SPHKAP: variants seen among roughly 807,000 people sequenced by gnomAD.
SPHKAP encodes the protein SPHK1 interactor, AKAP domain containing.
SPHKAP carries 67 observed loss-of-function variants against 137.5 expected under a neutral mutation model. The observed-to-expected ratio is 0.49, with a 90% CI of 0.40 to 0.60. The LOEUF (loss-of-function observed/expected upper bound fraction) is 0.60, where lower values mean the gene tolerates loss of function less well. Among genes scored for constraint, SPHKAP ranks in the 20% least tolerant of loss-of-function variants. The pLI is 0.00. For synonymous variants in SPHKAP, 813 were observed against 785.3 expected, an observed-to-expected ratio of 1.04 and a Z score of -0.59; for missense variants, 2,097 against 2,069.3, an observed-to-expected ratio of 1.01 and a Z score of -0.26.
chr2:228,044,091 G>C (rs1695944428), intron 3 of SPHKAP, among the ~76,000 whole-genome samples: 3 of 152,138 alleles, frequency 2.0e-5, no homozygotes, highest in Admixed American at 6.5e-5. Flanking sequence ...TCTCTCATAT[G>C]TTTGACAACC....
intron 1 of SPHKAP, among the ~76,000 whole-genome samples, chr2:228,150,202 A>C (rs1230517818): frequency 2.0e-5 from 3 of 152,160 alleles, no homozygotes; most frequent in African/African-American, 4.8e-5. Flanking sequence ...TCTTTTTCAC[A>C]CGTTGTGGAA....
At chr2:227,999,661 C>T (rs555910270) in intron 7 of SPHKAP, among the ~76,000 whole-genome samples, 1 of 152,350 alleles carries the variant, frequency 6.6e-6, no homozygotes, top group East Asian at 1.9e-4. Context: ...ATCTCAACTT[C>T]ATGCTCTATT....
intron 3 of SPHKAP, among the ~76,000 whole-genome samples, chr2:228,105,232 T>G (rs1379131616): frequency 6.6e-6 from 1 of 152,188 alleles, no homozygotes; most frequent in East Asian, 1.9e-4. Context: ...CCTCCCAAAG[T>G]GCTGTGATTA....
chr2:228,013,280 C>G (rs894007366), intron 7 of SPHKAP, among the ~76,000 whole-genome samples: 1 of 152,150 alleles, frequency 6.6e-6, no homozygotes, highest in African/African-American at 2.4e-5. Flanking sequence ...GAGACAGAGT[C>G]TTGCCCCGTC....
At chr2:228,040,281 C>CA (rs1313172617) in intron 3 of SPHKAP, among the ~76,000 whole-genome samples, 2 of 152,158 alleles carry the variant, frequency 1.3e-5, no homozygotes, top group Non-Finnish European at 2.9e-5. Context: ...TGCTGATTCA[C>CA]AAAGCGTCTA....
At chr2:228,160,214 T>TTTACAATTTAAATGATGGACATG (rs1700234311) in intron 1 of SPHKAP, among the ~76,000 whole-genome samples, 2 of 152,212 alleles carry the variant, frequency 1.3e-5, no homozygotes, top group African/African-American at 2.4e-5. Context: ...TCCCCATGAT[T>TTTACAATTTAAATGATGGACATG]ATACAATTTA....
At chr2:228,169,836 A>T (rs1293739831) in intron 1 of SPHKAP, 1 of 152,094 alleles carries the variant, frequency 6.6e-6, no homozygotes, top group Non-Finnish European at 1.5e-5. Flanking sequence ...ATTCTTGAAG[A>T]ATTCCATATT....
At chr2:228,007,886 T>A (rs1694203651) in intron 7 of SPHKAP, among the ~76,000 whole-genome samples, 2 of 152,138 alleles carry the variant, frequency 1.3e-5, no homozygotes, top group Admixed American at 6.6e-5. Context: ...GACCCTTTTC[T>A]CACCTCTTAT....
At chr2:228,128,755 G>T (rs189478976) in intron 2 of SPHKAP, among the ~76,000 whole-genome samples, 2 of 152,268 alleles carry the variant, frequency 1.3e-5, no homozygotes, top group East Asian at 1.9e-4. Flanking sequence ...TAATTTCCAT[G>T]TATATCTCCA....
At chr2:228,173,030 A>AC (rs1439135789) in intron 1 of SPHKAP, 2 of 985,318 alleles carry the variant, frequency 2.0e-6, no homozygotes, top group African/African-American at 3.5e-5. Flanking sequence ...AACATGTGCC[A>AC]AAGAGTGAAT....
chr2:228,016,134 T>C (rs938102404), intron 7 of SPHKAP, among the ~76,000 whole-genome samples: 2 of 152,188 alleles, frequency 1.3e-5, no homozygotes, highest in African/African-American at 2.4e-5. Flanking sequence ...TTCAACTCTC[T>C]ATCATAAATG....
chr2:228,063,143 C>CCTATCTAT (rs71043020), intron 3 of SPHKAP, among the ~76,000 whole-genome samples: 22,980 of 145,640 alleles, frequency 0.16, 1,975 homozygotes, highest in East Asian at 0.25. Context: ...TAGATAGATC[C>CCTATCTAT]CTATCTATCT....
chr2:228,176,259 A>G (rs879481896), intron 1 of SPHKAP, among the ~76,000 whole-genome samples: 5 of 152,190 alleles, frequency 3.3e-5, no homozygotes, highest in Non-Finnish European at 5.9e-5. Flanking sequence ...CCAATTCTCG[A>G]AGACAAGCTT....
intron 1 of SPHKAP, among the ~76,000 whole-genome samples, chr2:228,173,231 C>T (rs1043469596): frequency 1.1e-4 from 17 of 152,200 alleles, no homozygotes; most frequent in South Asian, 4.1e-4. Context: ...GAAATTAGTC[C>T]TAGTAGAATT....
chr2:228,088,372 G>T (rs1295070378), intron 3 of SPHKAP, among the ~76,000 whole-genome samples: 1 of 151,996 alleles, frequency 6.6e-6, no homozygotes. Context: ...GTATTTTGGG[G>T]TGTTAAATTG....
At chr2:228,022,924 C>T (rs1016587366) in intron 5 of SPHKAP, among the ~76,000 whole-genome samples, 1 of 152,132 alleles carries the variant, frequency 6.6e-6, no homozygotes, top group Non-Finnish European at 1.5e-5. Flanking sequence ...ATTTGTATTG[C>T]TTATCTGAAG....
intron 3 of SPHKAP, among the ~76,000 whole-genome samples, chr2:228,038,498 G>C (rs1214527776): frequency 6.6e-6 from 1 of 152,202 alleles, no homozygotes; most frequent in Non-Finnish European, 1.5e-5. Flanking sequence ...CTGCATGCTG[G>C]AGCCACCAGC....
At chr2:228,158,897 CCAAT>C (rs1410797212) in intron 1 of SPHKAP, among the ~76,000 whole-genome samples, 5 of 152,176 alleles carry the variant, frequency 3.3e-5, no homozygotes, top group Admixed American at 6.5e-5. Flanking sequence ...TTCCCTCACC[CCAAT>C]CAAATACCAA....
chr2:228,165,993 G>A (rs147324839), intron 1 of SPHKAP, among the ~76,000 whole-genome samples: 11 of 152,274 alleles, frequency 7.2e-5, no homozygotes, highest in African/African-American at 2.2e-4. Flanking sequence ...GTAACATTAC[G>A]GAACTCTTTA....
Sources: allele counts gnomAD v4.1 joint callset (sites outside exome capture counted in the v4.1 genomes callset), GRCh38; gene constraint gnomAD v4.1.1; transcripts MANE v1.5; gene names NCBI Gene and HGNC (gene_info 2026-07-23, HGNC 2026-07-21).